THSD7A: variants seen among roughly 807,000 people sequenced by gnomAD.
The protein encoded by THSD7A is thrombospondin type 1 domain containing 7A, also known as thrombospondin type-1 domain-containing protein 7A.
THSD7A carries 96 observed loss-of-function variants against 231.3 expected under a neutral mutation model. The ratio of observed to expected loss-of-function variants is 0.41; its 90% CI spans 0.35 to 0.49. The LOEUF (loss-of-function observed/expected upper bound fraction) is 0.49. Ranked by LOEUF, THSD7A falls within the 20% of genes least tolerant of loss-of-function variation. The probability of loss-of-function intolerance (pLI) is 0.05; values close to 1 mark genes in which losing one functional copy is unlikely to be tolerated. For missense variants in THSD7A, 2,290 were observed against 2,070.2 expected (o/e 1.11, Z -2.06); for synonymous variants, 940 against 743.3 (o/e 1.26, Z -4.30).
chr7:11,425,565 T>G (rs1784290918), intron 15 of THSD7A, among the ~76,000 whole-genome samples: 1 of 152,136 alleles, frequency 6.6e-6, no homozygotes, highest in South Asian at 2.1e-4. Context: ...TTCAGGTTTT[T>G]TTTTAGTACA....
intron 24 of THSD7A, among the ~76,000 whole-genome samples, chr7:11,381,451 A>C (rs1562562915): frequency 6.6e-6 from 1 of 152,208 alleles, no homozygotes; most frequent in East Asian, 1.9e-4. Context: ...AAAATTCAAT[A>C]TAAAGATGGA....
chr7:11,713,996 CAT>C (rs1239898132), intron 1 of THSD7A, among the ~76,000 whole-genome samples: 1 of 151,132 alleles, frequency 6.6e-6, no homozygotes, highest in Non-Finnish European at 1.5e-5. Context: ...CAGAGTGCGT[CAT>C]ATACAATAAT....
intron 1 of THSD7A, among the ~76,000 whole-genome samples, chr7:11,710,562 C>T (rs1372561637): frequency 6.6e-6 from 1 of 150,696 alleles, no homozygotes; most frequent in African/African-American, 2.4e-5. Context: ...GGTATATATC[C>T]CCTGCTGGAT....
intron 9 of THSD7A, among the ~76,000 whole-genome samples, chr7:11,466,764 T>C (rs766308072): frequency 7.9e-5 from 12 of 152,098 alleles, no homozygotes; most frequent in Non-Finnish European, 1.6e-4. Context: ...AGAGAGCCGA[T>C]TCCCGAGTTG....
intron 23 of THSD7A, among the ~76,000 whole-genome samples, chr7:11,394,067 G>A (rs1283906305): frequency 1.3e-5 from 2 of 152,104 alleles, no homozygotes; most frequent in South Asian, 2.1e-4. Context: ...ATAATCATCC[G>A]ATTCACAAAG....
At chr7:11,672,248 T>C (rs993673920) in intron 1 of THSD7A, among the ~76,000 whole-genome samples, 2 of 152,144 alleles carry the variant, frequency 1.3e-5, no homozygotes, top group Non-Finnish European at 2.9e-5. Context: ...TTTTTTGTTG[T>C]TGTTGCTGAC....
intron 6 of THSD7A, among the ~76,000 whole-genome samples, chr7:11,519,654 G>T (rs1036341267): frequency 6.6e-5 from 10 of 152,174 alleles, no homozygotes; most frequent in African/African-American, 2.4e-4. Context: ...GGATGAGAAT[G>T]CTTAATGTAT....
chr7:11,684,143 T>A (rs575467182), intron 1 of THSD7A, among the ~76,000 whole-genome samples: 1 of 151,786 alleles, frequency 6.6e-6, no homozygotes, highest in Admixed American at 6.6e-5. Context: ...TCCATGATAA[T>A]CTCAAAAGAC....
Position 11,712,079 on chromosome 7 carries a change from T to C in THSD7A, c.191-75118A>G, listed in dbSNP as rs775539292. Reference sequence around the variant, plus strand: ...CAAAAGAAGCCCTCAGGAAAGAGACTATGCAAATATGAATAGGAAAAAACT... The same window carrying C: ...CAAAAGAAGCCCTCAGGAAAGAGACCATGCAAATATGAATAGGAAAAAACT... On this transcript the variant is annotated intron_variant, in intron 1 of 27. Coordinates refer to ENST00000423059, the MANE Select transcript of THSD7A (RefSeq NM_015204.3). 2.0e-5 allele frequency among the ~76,000 whole-genome samples: 3 copies of C among 151,076 alleles called. No individual in the cohort carries two copies. In the East Asian group the frequency reaches 5.9e-4, roughly 30 times the overall value.
intron 6 of THSD7A, among the ~76,000 whole-genome samples, chr7:11,520,824 A>G (rs2128316159): frequency 6.6e-6 from 1 of 152,298 alleles, no homozygotes; most frequent in Admixed American, 6.5e-5. Flanking sequence ...CTTCTGTTGG[A>G]TAATCCAATC....
chr7:11,606,240 A>G (rs1256363016), intron 2 of THSD7A, among the ~76,000 whole-genome samples: 3 of 152,166 alleles, frequency 2.0e-5, no homozygotes, highest in Non-Finnish European at 4.4e-5. Flanking sequence ...GTTGAATTCT[A>G]CTTTGAGTGG....
rs1393069197 is a variant in THSD7A, at chr7:11,636,623, A to C, written c.529T>G (p.Phe177Val). 1 of 1,614,006 alleles carries C rather than the reference A, an allele frequency of 6.2e-7. No individual in the cohort carries two copies. Among genetic ancestry groups the C allele is most frequent in the East Asian group, 2.2e-5 (1 of 44,874 alleles). The change falls in exon 2 of 28, where the codon TTT (phenylalanine) becomes GTT (valine). Residue 177 changes from phenylalanine (F) to valine (V), a missense_variant. Coordinates refer to ENST00000423059, the MANE Select transcript of THSD7A (RefSeq NM_015204.3). The surrounding 1 kb of genome is among the most constrained non-coding windows in gnomAD (Gnocchi z 10.0). ...IPAEDIICEYFEPKPLLEQAC... is the reference protein window; with the variant it reads ...IPAEDIICEYVEPKPLLEQAC... ...TGCTCCAGGAGAGGCTTGGGCTCAA[A>C]GTACTCACAGATGATATCCTCCGCA... is the stretch of plus-strand genomic sequence containing the variant.
intron 1 of THSD7A, among the ~76,000 whole-genome samples, chr7:11,702,302 C>A (rs1043029264): frequency 6.6e-6 from 1 of 151,092 alleles, no homozygotes; most frequent in East Asian, 2.0e-4. Context: ...AAAGGTCTGG[C>A]GAAAAATCCA....
chr7:11,626,431 C>T (rs371621689), intron 2 of THSD7A, among the ~76,000 whole-genome samples: 5 of 151,646 alleles, frequency 3.3e-5, no homozygotes, highest in African/African-American at 4.8e-5. Context: ...TCAAGCATAC[C>T]CCAATAATGT....
intron 7 of THSD7A, among the ~76,000 whole-genome samples, chr7:11,480,375 G>A (rs1786374159): frequency 6.6e-6 from 1 of 152,150 alleles, no homozygotes; most frequent in Non-Finnish European, 1.5e-5. Flanking sequence ...TAGTCACACA[G>A]CAAGTGTCTG....
Position 11,375,408 on chromosome 7 carries a change from A to T in THSD7A, c.*386T>A. 2 of 155,444 alleles carry T rather than the reference A, an allele frequency of 1.3e-5. No individual in the cohort carries two copies. Among genetic ancestry groups the T allele is most frequent in the South Asian group, 2.1e-4 (1 of 4,764 alleles). The allele number at this position is 155,444 out of a possible 1,614,324, so 9.6% of individuals were successfully genotyped here. A position where few individuals can be genotyped will look rare whatever the true frequency, so the allele number is the denominator to read the frequency against. ...CATAGTATTGTGGAGATCTTGGTAG[A>T]AACTCTTCATGCTAGGAAGTTTTAT... On this transcript the variant is annotated 3_prime_UTR_variant, in exon 28 of 28. Coordinates refer to ENST00000423059, the MANE Select transcript of THSD7A (RefSeq NM_015204.3).
In THSD7A at chr7:11,474,267, T is replaced by C; in HGVS notation, c.2252+67A>G. 7.5e-7 allele frequency: 1 copy of C among 1,336,362 alleles called. No homozygotes were observed. The highest frequency in any genetic ancestry group is 1.4e-5 in the South Asian group (1 of 70,246). 82.8% of individuals were successfully genotyped at this position (1,336,362 alleles called of 1,614,324 possible). ...AAAATGTTCCATTTCATGAAGCCAG[T>C]GAAGCCTGAGCCAATCCTCTGCACA... On this transcript the variant is annotated intron_variant, in intron 8 of 27. Coordinates refer to ENST00000423059, the MANE Select transcript of THSD7A (RefSeq NM_015204.3). This position sits in a 1 kb window ranked among gnomAD's most constrained non-coding sequence, Gnocchi z 4.1.
intron 13 of THSD7A, among the ~76,000 whole-genome samples, chr7:11,443,079 G>A (rs916464229): frequency 1.3e-5 from 2 of 152,096 alleles, no homozygotes; most frequent in African/African-American, 4.8e-5. Flanking sequence ...TTTAAAAGAT[G>A]TTTCTAAATA....
intron 19 of THSD7A, chr7:11,410,619 G>T (rs1318830006): frequency 6.6e-6 from 1 of 152,118 alleles, no homozygotes; most frequent in Non-Finnish European, 1.5e-5. Flanking sequence ...CATTTCAGAC[G>T]CTCACATCTA....
Sources: gnomAD v4.1 joint callset for allele counts (sites outside exome capture counted in the v4.1 genomes callset) on GRCh38, gnomAD v4.1.1 for gene constraint, Gnocchi (gnomAD v3.1) non-coding constraint, MANE v1.5 for transcripts, NCBI Gene and HGNC (gene_info 2026-07-23, HGNC 2026-07-21) for gene names.